CPSF3: variants seen among roughly 807,000 people sequenced by gnomAD.
The protein encoded by CPSF3 is cleavage and polyadenylation specific factor 3, also known as cleavage and polyadenylation specificity factor subunit 3.
Under a neutral mutation model 84.1 loss-of-function variants are expected in CPSF3, and 57 were observed. The ratio of observed to expected loss-of-function variants is 0.68; its 90% confidence interval spans 0.55 to 0.85. CPSF3 has a LOEUF of 0.85. Ranked by LOEUF, CPSF3 falls within the 40% of genes least tolerant of loss-of-function variation. CPSF3 has a pLI of 0.00. For synonymous variants in CPSF3, 275 were observed against 278.1 expected, an observed-to-expected ratio of 0.99 and a Z score of 0.11; for missense variants, 522 against 838.8, an observed-to-expected ratio of 0.62 and a Z score of 4.66.
At chr2:9,425,694 C>G (rs916569367) in intron 1 of CPSF3, among the ~76,000 whole-genome samples, 2 of 151,822 alleles carry the variant, frequency 1.3e-5, no homozygotes, top group African/African-American at 4.8e-5. Flanking sequence ...TGGGGCAACT[C>G]TGGAGTAAAT....
intron 13 of CPSF3, among the ~76,000 whole-genome samples, chr2:9,456,513 T>G (rs951803216): frequency 6.6e-6 from 1 of 152,228 alleles, no homozygotes; most frequent in Non-Finnish European, 1.5e-5. Context: ...AAGAGGATGC[T>G]AGAAAGACCA....
At position 9,428,843 on chromosome 2, in the gene CPSF3, T is replaced by C; in HGVS notation, c.114+15T>C. ...GAAAAATAATGGTAATTACTATTTT[T>C]GTACTCAGTTTAATAGTATGGCTCT... On this transcript the variant is annotated intron_variant, in intron 2 of 17. Transcript: ENST00000238112. 6.8e-7 allele frequency: 1 copy of C among 1,474,014 alleles called. No homozygotes were observed. Among genetic ancestry groups the C allele is most frequent in the South Asian group, 1.1e-5 (1 of 88,090 alleles). 91.3% of individuals were successfully genotyped at this position (1,474,014 alleles called of 1,614,324 possible).
Position 9,462,618 on chromosome 2 carries a change from C to T in CPSF3, c.1786+3000C>T, listed in dbSNP as rs62120281. ...CCACATAGCTCGTGTGTGTTTTATA[C>T]GGGAAGGAATACATGACCTGTCATA... On this transcript the variant is annotated intron_variant, in intron 15 of 17. Coordinates refer to ENST00000238112, the MANE Select transcript of CPSF3 (RefSeq NM_016207.4). Among the ~76,000 whole-genome samples the T allele has an allele frequency of 1.3e-3, 205 of 152,150 alleles. 3 individuals carry two copies. The highest frequency in any genetic ancestry group is 4.6e-3 in the African/African-American group (189 of 41,506).
intron 3 of CPSF3, among the ~76,000 whole-genome samples, 182 bp from the exon 4 acceptor site, chr2:9,430,570 C>T (rs1437551267): frequency 6.6e-6 from 1 of 152,186 alleles, no homozygotes; most frequent in Non-Finnish European, 1.5e-5. Context: ...AACATCTTTC[C>T]TCCATTTTAG....
At chr2:9,454,986 C>T (rs1681473694) in intron 12 of CPSF3, among the ~76,000 whole-genome samples, 1 of 152,126 alleles carries the variant, frequency 6.6e-6, no homozygotes. Context: ...CTGTGCACCT[C>T]AGGAGCTGGA....
In CPSF3 at chr2:9,423,677, G is replaced by T. The variant is rs145913928; in HGVS notation, c.-97G>T. 7,682 of 1,476,866 alleles carry T rather than the reference G, an allele frequency of 5.2e-3. 38 individuals are homozygous for T. The highest frequency in any genetic ancestry group is 6.3e-3 in the Admixed American group (310 of 49,472). The allele number at this position is 1,476,866 out of a possible 1,614,324, so 91.5% of individuals were successfully genotyped here. ...ACGGAAGTTGTGCTCTTGGTGAATG[G>T]GGTTCTTCCTTTTTTATTTACCGGT... On this transcript the variant is annotated 5_prime_UTR_variant, in exon 1 of 18. Transcript: ENST00000238112.
chr2:9,473,072 AAAAT>A lies in CPSF3; in HGVS notation c.*59_*62del. 1 of 1,258,866 alleles carries A rather than the reference AAAAT, an allele frequency of 7.9e-7. No individual in the cohort carries two copies. Among genetic ancestry groups the A allele is most frequent in the Non-Finnish European group, 1.1e-6 (1 of 873,380 alleles). The allele number at this position is 1,258,866 out of a possible 1,614,324, so 78.0% of individuals were successfully genotyped here. On this transcript the variant is annotated 3_prime_UTR_variant, in exon 18 of 18. Coordinates refer to ENST00000238112, the MANE Select transcript of CPSF3 (RefSeq NM_016207.4). ...ATACTTGACTCTACTTTTGTTACCT[AAAAT>A]AAAATGCATTCGTTTCTCTGGGGGA...
chr2:9,441,623 A>G (rs1426318638), intron 8 of CPSF3, 195 bp from the exon 9 acceptor site: 3 of 579,294 alleles, frequency 5.2e-6, no homozygotes, highest in African/African-American at 1.9e-5. Context: ...GCTTTTTATT[A>G]CTTGGTTTTT....
At chr2:9,460,428 C>G (rs936448530) in intron 15 of CPSF3, among the ~76,000 whole-genome samples, 7 of 151,408 alleles carry the variant, frequency 4.6e-5, no homozygotes, top group Non-Finnish European at 8.8e-5. Flanking sequence ...GACTCCGTCT[C>G]AAAAATAAAT....
intron 11 of CPSF3, among the ~76,000 whole-genome samples, chr2:9,452,206 G>A (rs1210926594): frequency 1.3e-5 from 2 of 151,682 alleles, no homozygotes; most frequent in African/African-American, 2.4e-5. Context: ...GTAGGTGCCT[G>A]TAATCCCAGC....
At chr2:9,449,505 G>T (rs939986301) in intron 11 of CPSF3, among the ~76,000 whole-genome samples, 3 of 152,188 alleles carry the variant, frequency 2.0e-5, no homozygotes, top group African/African-American at 7.2e-5. Context: ...ACTTTGGGAG[G>T]CCAAGTCAGG....
chr2:9,462,140 G>A (rs970978468), intron 15 of CPSF3, among the ~76,000 whole-genome samples: 2 of 152,146 alleles, frequency 1.3e-5, no homozygotes, highest in African/African-American at 2.4e-5. Flanking sequence ...GGTTAGGTGC[G>A]GAGAGCAGAA....
intron 15 of CPSF3, among the ~76,000 whole-genome samples, chr2:9,462,354 A>G (rs780512908): frequency 6.6e-6 from 1 of 152,254 alleles, no homozygotes; most frequent in African/African-American, 2.4e-5. Flanking sequence ...AGAAATTGAT[A>G]TACTTTTCTG....
Position 9,459,623 on chromosome 2 carries a change from G to A in CPSF3, c.1786+5G>A, listed in dbSNP as rs1572801097. On this transcript the variant is annotated splice_donor_5th_base_variant and intron_variant, in intron 15 of 17. Transcript: ENST00000238112. ...CAAATCCCAAAATAAGAAAAGGTAAGAGTTCATTTTTATCCTTTTTTTTTT... is the reference window on the plus strand; with the variant it reads ...CAAATCCCAAAATAAGAAAAGGTAAAAGTTCATTTTTATCCTTTTTTTTTT... The A allele has an allele frequency of 5.4e-6, 3 of 553,492 alleles. No homozygotes were observed. The highest frequency in any genetic ancestry group is 9.7e-6 in the Non-Finnish European group (3 of 310,498). The allele number at this position is 553,492 out of a possible 1,614,324, so 34.3% of individuals were successfully genotyped here. A position where few individuals can be genotyped will look rare whatever the true frequency, so the allele number is the denominator to read the frequency against.
intron 10 of CPSF3, among the ~76,000 whole-genome samples, chr2:9,445,280 GT>G (rs1370626812): frequency 6.6e-6 from 1 of 152,092 alleles, no homozygotes; most frequent in Non-Finnish European, 1.5e-5. Context: ...GGTTCATCAT[GT>G]TGTGGCATGT....
At chr2:9,448,493 T>C in intron 11 of CPSF3, 143 bp downstream of exon 11, 1 of 650,358 alleles carries the variant, frequency 1.5e-6, no homozygotes, top group South Asian at 3.0e-5. Context: ...TCCTTATCCT[T>C]TTTGGCTTCT....
chr2:9,465,419 G>C (rs977982978), intron 15 of CPSF3, among the ~76,000 whole-genome samples: 4 of 151,896 alleles, frequency 2.6e-5, no homozygotes, highest in African/African-American at 9.7e-5. Context: ...ACTCCAGCCT[G>C]GGCAACAGAG....
In CPSF3 at chr2:9,455,710, A is replaced by G; in HGVS notation, c.1556A>G (p.Tyr519Cys). 6.2e-7 allele frequency: 1 copy of G among 1,614,146 alleles called. No homozygotes were observed. Residue 519 changes from tyrosine (Y) to cysteine (C), a missense_variant, in exon 13 of 18, where the codon TAT becomes TGT. Transcript: ENST00000238112. The stretch of plus-strand genomic sequence containing the variant: ...GTGAAGCAGACCCAAGCCATTCCAT[A>G]TACTGGTCCCTTTAATTTGCTCTGT... ...STVKQTQAIPYTGPFNLLCYQ... is the reference protein window; with the variant it reads ...STVKQTQAIPCTGPFNLLCYQ...
chr2:9,461,816 C>CA, intron 15 of CPSF3, among the ~76,000 whole-genome samples: 1 of 137,054 alleles, frequency 7.3e-6, no homozygotes, highest in African/African-American at 2.8e-5. Context: ...GGCTGGAGTA[C>CA]AGTGGCACCA....
Sources: allele counts gnomAD v4.1 joint callset (sites outside exome capture counted in the v4.1 genomes callset), GRCh38; gene constraint gnomAD v4.1.1; transcripts MANE v1.5; gene names NCBI Gene and HGNC (gene_info 2026-07-23, HGNC 2026-07-21).